The following TLN2 variants were observed in gnomAD, a reference collection of about 807,000 sequenced individuals.
TLN2 encodes talin 2.
A neutral mutation model predicts 294.7 loss-of-function variants in TLN2; 118 were observed. The ratio of observed to expected loss-of-function variants is 0.40; its 90% CI spans 0.34 to 0.47. The LOEUF is 0.47. TLN2 is among the 20% of genes least tolerant of loss of function. The pLI is 0.84. For synonymous variants in TLN2, 1,431 were observed against 1,304.5 expected, an observed-to-expected ratio of 1.10 and a Z score of -2.09; for missense variants, 3,083 against 3,282.2, an observed-to-expected ratio of 0.94 and a Z score of 1.48.
chr15:62,630,560 T>C (rs778641530), intron 3 of TLN2, among the ~76,000 whole-genome samples: 1 of 152,192 alleles, frequency 6.6e-6, no homozygotes, highest in Non-Finnish European at 1.5e-5. Flanking sequence ...TCTCCAGCAG[T>C]CCGAGGCCAG....
chr15:62,696,753 TTA>T (rs1176180480), intron 14 of TLN2, among the ~76,000 whole-genome samples: 1 of 152,124 alleles, frequency 6.6e-6, no homozygotes, highest in Non-Finnish European at 1.5e-5. Context: ...ATTAGATACC[TTA>T]AGAATCTTCC....
At chr15:62,551,391 G>A (rs1209317731) in intron 1 of TLN2, among the ~76,000 whole-genome samples, 2 of 152,128 alleles carry the variant, frequency 1.3e-5, no homozygotes, top group Admixed American at 1.3e-4. Context: ...CAGAGTTCAG[G>A]CAGGGCGTGG....
chr15:62,524,482 C>T (rs2040629770), intron 1 of TLN2, among the ~76,000 whole-genome samples: 1 of 152,086 alleles, frequency 6.6e-6, no homozygotes, highest in Non-Finnish European at 1.5e-5. Flanking sequence ...CAGAAGCAAG[C>T]GAGACTGTGT....
rs1276142093 is a variant in TLN2, at chr15:62,766,296, AACTTGAC to A, written c.5095-20_5095-14del. 6.3e-7 allele frequency: 1 copy of A among 1,599,726 alleles called. No individual in the cohort carries two copies. The highest frequency in any genetic ancestry group is 2.2e-5 in the East Asian group (1 of 44,508). ...CTCTGTGGGGAGCTGTTATGGGATG[AACTTGAC>A]ACTTCTCTCCTTATCAGGCCCTGCA... On this transcript the variant is annotated intron_variant, in intron 40 of 58. Coordinates refer to ENST00000636159, the MANE Select transcript of TLN2 (RefSeq NM_015059.3).
At chr15:62,424,132 A>G (rs2034569649) in intron 1 of TLN2, among the ~76,000 whole-genome samples, 1 of 152,174 alleles carries the variant, frequency 6.6e-6, no homozygotes, top group African/African-American at 2.4e-5. Context: ...AATATGGATA[A>G]TAATAGTAAC....
intron 4 of TLN2, 135 bp downstream of exon 4, chr15:62,647,581 C>A: frequency 1.7e-6 from 2 of 1,190,722 alleles, no homozygotes; most frequent in South Asian, 1.5e-5. Context: ...CTTCTTAGAT[C>A]AGACACTACC....
intron 48 of TLN2, 120 bp from the exon 49 acceptor site, chr15:62,800,248 A>T: frequency 6.8e-7 from 1 of 1,470,110 alleles, no homozygotes; most frequent in Non-Finnish European, 9.1e-7. Flanking sequence ...CATGCTGCAG[A>T]CTTCAGACTG....
chr15:62,830,232 C>T (rs908584469), intron 54 of TLN2: 3 of 152,144 alleles, frequency 2.0e-5, no homozygotes, highest in African/African-American at 7.2e-5. Context: ...CTGGTCAGGT[C>T]AGTAACATCT....
In TLN2 at chr15:62,836,041, G is replaced by A. The variant is rs762714908; in HGVS notation, c.7342G>A (p.Asp2448Asn). The A allele has an allele frequency of 3.7e-6, 6 of 1,611,876 alleles. No individual in the cohort carries two copies. Among genetic ancestry groups the A allele is most frequent in the South Asian group, 3.3e-5 (3 of 90,618 alleles). ...GCTGGTGGCCTGCAAGGTGAAGGCCGACCAGGATTCAGAGGCCATGAGGCG... is the reference window on the plus strand; with the variant it reads ...GCTGGTGGCCTGCAAGGTGAAGGCCAACCAGGATTCAGAGGCCATGAGGCG... ...QLLVACKVKA[D>N]QDSEAMRRLQ... Residue 2448 changes from aspartate to asparagine, a missense_variant, in exon 57 of 59, where the codon GAC (aspartate) becomes AAC (asparagine). By Grantham distance (23) the Asp-to-Asn change is conservative (BLOSUM62 1). Coordinates refer to ENST00000636159, the MANE Select transcript of TLN2 (RefSeq NM_015059.3).
Position 62,508,535 on chromosome 15 carries a change from T to G in TLN2, c.-237-81152T>G, listed in dbSNP as rs374081036. Among the ~76,000 whole-genome samples, 4 of 152,318 alleles carry G rather than the reference T, an allele frequency of 2.6e-5. No homozygotes were observed. In the East Asian group the frequency reaches 7.7e-4, roughly 29 times the overall value. Reference sequence around the variant, plus strand: ...CGGCCAAAGCCCTATAGATGATTTTTGAAACAAATTTTTCATTTCGAAAAG... The same window carrying G: ...CGGCCAAAGCCCTATAGATGATTTTGGAAACAAATTTTTCATTTCGAAAAG... On this transcript the variant is annotated intron_variant, in intron 1 of 58. Transcript: ENST00000636159.
chr15:62,662,825 T>G (rs867845735), intron 9 of TLN2, among the ~76,000 whole-genome samples: 1 of 137,456 alleles, frequency 7.3e-6, no homozygotes, highest in Non-Finnish European at 1.6e-5. Flanking sequence ...TGAGAGAGTT[T>G]TTTTTTTTTT....
At chr15:62,693,027 A>G in intron 13 of TLN2, 86 bp downstream of exon 13, 1 of 1,167,044 alleles carries the variant, frequency 8.6e-7, no homozygotes, top group African/African-American at 1.6e-5. Flanking sequence ...TGAAAAAAAA[A>G]TCCTCTTAAA....
intron 2 of TLN2, among the ~76,000 whole-genome samples, chr15:62,616,528 A>T (rs545463506): frequency 2.8e-4 from 43 of 152,158 alleles, no homozygotes; most frequent in Non-Finnish European, 5.0e-4. Flanking sequence ...TCCTCGCCTC[A>T]AGTGATCCTT....
intron 1 of TLN2, among the ~76,000 whole-genome samples, chr15:62,528,742 A>C (rs1343027068): frequency 7.9e-6 from 1 of 127,312 alleles, no homozygotes; most frequent in African/African-American, 3.1e-5. Context: ...TGGGTGGCTG[A>C]TCTTGGATAT....
chr15:62,716,300 C>T, intron 22 of TLN2, 31 bp from the exon 23 acceptor site: 2 of 1,553,224 alleles, frequency 1.3e-6, no homozygotes, highest in Non-Finnish European at 1.7e-6. Flanking sequence ...TCCTGCTGGA[C>T]CACTTGAAAT....
intron 1 of TLN2, among the ~76,000 whole-genome samples, chr15:62,446,282 C>T (rs550737225): frequency 2.6e-5 from 4 of 152,168 alleles, no homozygotes; most frequent in African/African-American, 4.8e-5. Context: ...TGCGAGCCAC[C>T]GCGCCCGGCT....
chr15:62,426,659 C>G (rs1251279989), intron 1 of TLN2, among the ~76,000 whole-genome samples: 1 of 152,194 alleles, frequency 6.6e-6, no homozygotes, highest in Non-Finnish European at 1.5e-5. Flanking sequence ...TGGGAGTGAG[C>G]TGTTCATTCA....
chr15:62,495,021 C>G (rs2038947732), intron 1 of TLN2, among the ~76,000 whole-genome samples: 1 of 152,168 alleles, frequency 6.6e-6, no homozygotes, highest in Non-Finnish European at 1.5e-5. Flanking sequence ...GCTGGAAGAC[C>G]CAGGCCCAAA....
chr15:62,552,556 T>G (rs1371909896), intron 1 of TLN2, among the ~76,000 whole-genome samples: 1 of 152,220 alleles, frequency 6.6e-6, no homozygotes, highest in Non-Finnish European at 1.5e-5. Flanking sequence ...TTTTGCATTT[T>G]TATACTTTTG....
Sources: allele counts gnomAD v4.1 joint callset (sites outside exome capture counted in the v4.1 genomes callset), GRCh38; gene constraint gnomAD v4.1.1; transcripts MANE v1.5; gene names NCBI Gene and HGNC (gene_info 2026-07-23, HGNC 2026-07-21).